ALPK1: variants seen among roughly 807,000 people sequenced by gnomAD.
ALPK1 encodes alpha kinase 1.
In ALPK1, 110 loss-of-function variants were observed where a neutral mutation model predicts 120.6. The ratio of observed to expected loss-of-function variants is 0.91; its 90% confidence interval spans 0.78 to 1.07. The LOEUF (loss-of-function observed/expected upper bound fraction) is 1.07. Ranked by LOEUF, ALPK1 falls within the 50% of genes least tolerant of loss-of-function variation. ALPK1 has a pLI of 0.00. For synonymous variants in ALPK1, 582 were observed against 560.3 expected (o/e 1.04, Z -0.55); for missense variants, 1,498 against 1,483.9 (o/e 1.01, Z -0.16).
Position 112,411,906 on chromosome 4 carries a change from A to G in ALPK1, c.356A>G (p.Tyr119Cys). 1 of 1,613,960 alleles carries G rather than the reference A, an allele frequency of 6.2e-7. No individual in the cohort carries two copies. Among genetic ancestry groups the G allele is most frequent in the Admixed American group, 1.7e-5 (1 of 60,010 alleles). ...GTGTTCTTGGTGGACCGGTTCCTGTATGGGCTCGACGTCTCTGGAAAACTT... is the reference window on the plus strand; with the variant it reads ...GTGTTCTTGGTGGACCGGTTCCTGTGTGGGCTCGACGTCTCTGGAAAACTT... ...AIVFLVDRFL[Y>C]GLDVSGKLLQ... The change falls in exon 5 of 16, where the codon TAT (tyrosine) becomes TGT (cysteine). Residue 119 changes from tyrosine to cysteine, a missense_variant. Tyr to Cys is a radical substitution (Grantham distance 194, BLOSUM62 -2). Transcript: ENST00000650871.
At chr4:112,328,608 A>G (rs1729219838) in intron 2 of ALPK1, among the ~76,000 whole-genome samples, 1 of 152,222 alleles carries the variant, frequency 6.6e-6, no homozygotes, top group African/African-American at 2.4e-5. Context: ...GGAGTGCCAC[A>G]CTGGGCATTC....
At chr4:112,385,812 A>G (rs1212973474) in intron 4 of ALPK1, among the ~76,000 whole-genome samples, 2 of 152,214 alleles carry the variant, frequency 1.3e-5, no homozygotes, top group African/African-American at 4.8e-5. Context: ...TTCCATTCTC[A>G]TGTAAAAAAT....
intron 2 of ALPK1, among the ~76,000 whole-genome samples, chr4:112,316,736 C>T (rs1560633935): frequency 6.6e-6 from 1 of 151,570 alleles, no homozygotes; most frequent in Non-Finnish European, 1.5e-5. Flanking sequence ...ATATTGGGGA[C>T]TTTTTCTGTA....
At chr4:112,345,066 GA>G (rs1382310300) in intron 2 of ALPK1, among the ~76,000 whole-genome samples, 1 of 152,168 alleles carries the variant, frequency 6.6e-6, no homozygotes, top group Non-Finnish European at 1.5e-5. Flanking sequence ...GTAGAAAGTA[GA>G]ATAATAGAAG....
At chr4:112,331,941 C>T (rs1729394929) in intron 2 of ALPK1, among the ~76,000 whole-genome samples, 1 of 152,184 alleles carries the variant, frequency 6.6e-6, no homozygotes, top group African/African-American at 2.4e-5. Context: ...TATGTCTAGA[C>T]ACTCAGTCTC....
chr4:112,391,808 T>C (rs1222577941), intron 4 of ALPK1, among the ~76,000 whole-genome samples: 1 of 152,214 alleles, frequency 6.6e-6, no homozygotes, highest in Non-Finnish European at 1.5e-5. Context: ...TACATCTATA[T>C]TCTTTTAAAT....
intron 1 of ALPK1, among the ~76,000 whole-genome samples, chr4:112,314,757 A>G (rs960675523): frequency 6.6e-6 from 1 of 152,188 alleles, no homozygotes; most frequent in Non-Finnish European, 1.5e-5. Flanking sequence ...AGTGGCAGTT[A>G]AGAACAGGAG....
intron 2 of ALPK1, among the ~76,000 whole-genome samples, chr4:112,330,082 A>G (rs974911358): frequency 6.6e-6 from 1 of 152,264 alleles, no homozygotes; most frequent in African/African-American, 2.4e-5. Flanking sequence ...TTTAGAATAA[A>G]TGAAGAGAGC....
At chr4:112,383,855 T>A (rs1161945915) in intron 4 of ALPK1, 1 of 152,206 alleles carries the variant, frequency 6.6e-6, no homozygotes, top group African/African-American at 2.4e-5. Flanking sequence ...CTAAACATCA[T>A]AGCTTAGCTT....
chr4:112,382,676 G>A, intron 4 of ALPK1, 124 bp downstream of exon 4: 2 of 1,359,840 alleles, frequency 1.5e-6, no homozygotes, highest in Non-Finnish European at 2.1e-6. Flanking sequence ...GCTCAGCTCT[G>A]CCAGATTGAC....
intron 1 of ALPK1, among the ~76,000 whole-genome samples, chr4:112,309,862 T>G (rs1190240459): frequency 6.6e-6 from 1 of 152,108 alleles, no homozygotes; most frequent in African/African-American, 2.4e-5. Flanking sequence ...TGGGAAGACT[T>G]GACTTACATG....
At chr4:112,418,615 C>T (rs1423672800) in intron 5 of ALPK1, among the ~76,000 whole-genome samples, 1 of 152,158 alleles carries the variant, frequency 6.6e-6, no homozygotes, top group East Asian at 1.9e-4. Context: ...AGCGTCCTTC[C>T]ACACCCCACG....
intron 4 of ALPK1, among the ~76,000 whole-genome samples, chr4:112,404,886 G>C (rs1030418544): frequency 6.6e-6 from 1 of 152,140 alleles, no homozygotes; most frequent in African/African-American, 2.4e-5. Context: ...ATAGTCAAAG[G>C]CTAATTTAGT....
chr4:112,430,648 G>A lies in ALPK1; in HGVS notation c.1101G>A (p.Arg367=), dbSNP rs745594011. 1.9e-6 allele frequency: 3 copies of A among 1,614,160 alleles called. No homozygotes were observed. The highest frequency in any genetic ancestry group is 2.5e-6 in the Non-Finnish European group (3 of 1,180,022). The part of the protein sequence containing the change: ...AAFGLTTVHR[R]LHGETGTVHA... ...TCGGTCTCACCACAGTGCACAGAAG[G>A]CTCCATGGGGAGACAGGGACGGTCC... The change falls in exon 11 of 16, where the codon AGG becomes AGA. Residue 367 remains arginine (R), a synonymous_variant. Transcript: ENST00000650871.
chr4:112,412,572 A>C (rs1004220539), intron 5 of ALPK1: 17 of 417,046 alleles, frequency 4.1e-5, no homozygotes, highest in Non-Finnish European at 7.2e-5. Context: ...AAGGAGGCTG[A>C]CATTCTAACT....
rs548540968 is a variant in ALPK1 at position 112,419,550 on chromosome 4, G to A, written c.476-4394G>A. On this transcript the variant is annotated intron_variant, in intron 5 of 15. Transcript: ENST00000650871. ...AGGAAAGGAAGGATGAAAGGAAAGA[G>A]GTAGAGAGAAAGGGAGGGAGGACAG... 2.6e-5 allele frequency among the ~76,000 whole-genome samples: 4 copies of A among 152,088 alleles called. No homozygotes were observed. The East Asian group carries it at 5.8e-4, about 22-fold the overall frequency.
chr4:112,353,080 A>T (rs1407935574), intron 2 of ALPK1: 1 of 150,620 alleles, frequency 6.6e-6, no homozygotes, highest in Non-Finnish European at 1.5e-5. Flanking sequence ...GGCTCAAGAC[A>T]TCCTCCTACC....
At chr4:112,301,596 G>A (rs1727789840) in intron 1 of ALPK1, among the ~76,000 whole-genome samples, 1 of 152,110 alleles carries the variant, frequency 6.6e-6, no homozygotes, top group African/African-American at 2.4e-5. Flanking sequence ...AGTGACCTCT[G>A]ATCACCTTAT....
At chr4:112,358,154 A>G in intron 2 of ALPK1, 1 of 614,478 alleles carries the variant, frequency 1.6e-6, no homozygotes, top group Non-Finnish European at 3.1e-6. Context: ...GCAGGCGTCC[A>G]GGGCTGTGAA....
Sources: allele counts gnomAD v4.1 joint callset (sites outside exome capture counted in the v4.1 genomes callset), GRCh38; gene constraint gnomAD v4.1.1; transcripts MANE v1.5; gene names NCBI Gene and HGNC (gene_info 2026-07-23, HGNC 2026-07-21).